The following GRIN2B variants were observed in gnomAD, a reference collection of about 807,000 sequenced individuals.
GRIN2B encodes glutamate ionotropic receptor NMDA type subunit 2B.
In GRIN2B, 5 loss-of-function variants were observed where a neutral mutation model predicts 114.5. The ratio of observed to expected loss-of-function variants is 0.04; its 90% CI spans 0.02 to 0.09. GRIN2B has a LOEUF of 0.09. GRIN2B is among the 10% of genes least tolerant of loss of function. The probability of loss-of-function intolerance (pLI) is 1.00; values close to 1 mark genes in which losing one functional copy is unlikely to be tolerated. For missense variants in GRIN2B, 1,108 were observed against 1,943.5 expected, an observed-to-expected ratio of 0.57 and a Z score of 8.08; for synonymous variants, 787 against 745.1, an observed-to-expected ratio of 1.06 and a Z score of -0.92.
chr12:13,734,330 T>C (rs771519522), intron 4 of GRIN2B, among the ~76,000 whole-genome samples: 3 of 152,178 alleles, frequency 2.0e-5, no homozygotes, highest in Non-Finnish European at 4.4e-5. Context: ...AGGGGCACTG[T>C]GCAGGGTGAT....
intron 5 of GRIN2B, among the ~76,000 whole-genome samples, chr12:13,628,190 G>A: frequency 6.6e-6 from 1 of 152,160 alleles, no homozygotes; most frequent in East Asian, 1.9e-4. Context: ...TGGCAGTTCT[G>A]TGTGCCTTGG....
chr12:13,925,145 T>C (rs534891138), intron 2 of GRIN2B, among the ~76,000 whole-genome samples: 1 of 152,292 alleles, frequency 6.6e-6, no homozygotes, highest in Admixed American at 6.5e-5. Context: ...GAAGCGCCAG[T>C]GTTGCCTTTG....
chr12:13,822,123 T>C (rs1026888928), intron 3 of GRIN2B, among the ~76,000 whole-genome samples: 3 of 152,140 alleles, frequency 2.0e-5, no homozygotes, highest in Non-Finnish European at 4.4e-5. Context: ...TAAAGTCTTA[T>C]GAAATTTTTA....
chr12:13,622,784 ACT>A (rs1452107065), intron 5 of GRIN2B, among the ~76,000 whole-genome samples: 2 of 151,946 alleles, frequency 1.3e-5, no homozygotes, highest in Non-Finnish European at 2.9e-5. Flanking sequence ...TAACAAATTC[ACT>A]CTCTCAATAA....
At chr12:13,842,902 T>C (rs1865401471) in intron 3 of GRIN2B, among the ~76,000 whole-genome samples, 1 of 146,618 alleles carries the variant, frequency 6.8e-6, no homozygotes, top group Admixed American at 6.8e-5. Flanking sequence ...TGGAATGTTG[T>C]GAAGATTGGT....
chr12:13,707,862 G>T (rs576627392), intron 4 of GRIN2B, among the ~76,000 whole-genome samples: 2 of 152,066 alleles, frequency 1.3e-5, no homozygotes, highest in African/African-American at 2.4e-5. Context: ...TTTGTAACAC[G>T]TAAAATATAC....
In GRIN2B at chr12:13,547,710, T is replaced by C. The variant is rs1948360408; in HGVS notation, c.*15073A>G. On this transcript the variant is annotated 3_prime_UTR_variant, in exon 14 of 14. Coordinates refer to ENST00000609686, the MANE Select transcript of GRIN2B (RefSeq NM_000834.5). ...ACAGAAGACTCTGCAGAGCATAATG[T>C]TGCTATGGCTTGTTTTACTGAAGTA... is the stretch of plus-strand genomic sequence containing the variant. 6.6e-6 allele frequency: 1 copy of C among 152,096 alleles called. No individual in the cohort carries two copies. The highest frequency in any genetic ancestry group is 1.9e-4 in the East Asian group (1 of 5,178). The allele number at this position is 152,096 out of a possible 1,614,324, so 9.4% of individuals were successfully genotyped here.
chr12:13,776,711 CAA>C (rs1864010250), intron 3 of GRIN2B, among the ~76,000 whole-genome samples: 1 of 151,562 alleles, frequency 6.6e-6, no homozygotes, highest in South Asian at 2.1e-4. Context: ...AGAGCGGAGA[CAA>C]GAGAATAAGC....
intron 2 of GRIN2B, among the ~76,000 whole-genome samples, chr12:13,932,534 G>A (rs1867052408): frequency 6.6e-6 from 1 of 152,120 alleles, no homozygotes; most frequent in African/African-American, 2.4e-5. Flanking sequence ...GTGCATTACA[G>A]GTAGCCATCA....
chr12:13,672,095 T>C (rs942147248), intron 5 of GRIN2B, among the ~76,000 whole-genome samples: 5 of 152,232 alleles, frequency 3.3e-5, no homozygotes, highest in Non-Finnish European at 7.4e-5. Flanking sequence ...CTCAGGTTCC[T>C]GTGTGTTCCA....
intron 3 of GRIN2B, among the ~76,000 whole-genome samples, chr12:13,756,117 A>G (rs1268315721): frequency 1.3e-5 from 2 of 152,134 alleles, no homozygotes; most frequent in African/African-American, 4.8e-5. Flanking sequence ...TCCCGGGTTC[A>G]AGCACTCTCT....
intron 10 of GRIN2B, among the ~76,000 whole-genome samples, chr12:13,581,962 GT>G (rs1475278691): frequency 2.6e-5 from 4 of 151,832 alleles, no homozygotes; most frequent in Non-Finnish European, 4.4e-5. Context: ...AAACACATGG[GT>G]TATGGGCTCA....
At chr12:13,617,754 C>T (rs981837634) in intron 5 of GRIN2B, among the ~76,000 whole-genome samples, 3 of 152,204 alleles carry the variant, frequency 2.0e-5, no homozygotes, top group Middle Eastern at 3.2e-3. Flanking sequence ...ACTACAGCAC[C>T]ACTTAATTTA....
intron 2 of GRIN2B, among the ~76,000 whole-genome samples, chr12:13,928,070 G>A (rs1010302064): frequency 6.6e-6 from 1 of 151,910 alleles, no homozygotes; most frequent in Non-Finnish European, 1.5e-5. Context: ...CGGTACTTTG[G>A]GAGGCTGAGG....
At chr12:13,851,502 C>A (rs1865565690) in intron 3 of GRIN2B, among the ~76,000 whole-genome samples, 1 of 152,166 alleles carries the variant, frequency 6.6e-6, no homozygotes, top group Non-Finnish European at 1.5e-5. Context: ...GGTTCTCAAA[C>A]TGGGAAGTTT....
At chr12:13,834,093 C>A (rs975727273) in intron 3 of GRIN2B, among the ~76,000 whole-genome samples, 1 of 122,988 alleles carries the variant, frequency 8.1e-6, no homozygotes, top group Non-Finnish European at 1.6e-5. Context: ...TGCAGTGGTG[C>A]AATCTTGGCT....
chr12:13,779,075 G>T (rs1297468620), intron 3 of GRIN2B, among the ~76,000 whole-genome samples: 1 of 152,114 alleles, frequency 6.6e-6, no homozygotes, highest in African/African-American at 2.4e-5. Flanking sequence ...TTGAGACTGA[G>T]TCTTGTTCTG....
Position 13,612,777 on chromosome 12 carries a change from G to A in GRIN2B, c.1655-927C>T, listed in dbSNP as rs1805529. 1.2e-3 allele frequency among the ~76,000 whole-genome samples: 178 copies of A among 152,228 alleles called. 1 individual carries two copies. In the East Asian group the frequency reaches 0.029, roughly 25 times the overall value. ...ATCTCTGTAAAGGCCTATAAAAAGG[G>A]ACAATCACTATTCTGTCCCATGATA... On this transcript the variant is annotated intron_variant, in intron 8 of 13. Coordinates refer to ENST00000609686, the MANE Select transcript of GRIN2B (RefSeq NM_000834.5).
chr12:13,882,769 G>A (rs1429301462), intron 2 of GRIN2B, among the ~76,000 whole-genome samples: 4 of 152,166 alleles, frequency 2.6e-5, no homozygotes, highest in Non-Finnish European at 5.9e-5. Context: ...CCAGTTTACT[G>A]AGGTACAATT....
Sources: gnomAD v4.1 joint callset for allele counts (sites outside exome capture counted in the v4.1 genomes callset) on GRCh38, gnomAD v4.1.1 for gene constraint, MANE v1.5 for transcripts, NCBI Gene and HGNC (gene_info 2026-07-23, HGNC 2026-07-21) for gene names.